The following DHX36 variants were observed in gnomAD, a reference collection of about 807,000 sequenced individuals.
The protein encoded by DHX36 is ATP-dependent DNA/RNA helicase DHX36.
In DHX36, 50 loss-of-function variants were observed where a neutral mutation model predicts 139.0. The observed-to-expected ratio is 0.36, with a 90% CI of 0.29 to 0.46. DHX36 has a LOEUF of 0.46. Among genes scored for constraint, DHX36 ranks in the 20% least tolerant of loss-of-function variants. The pLI is 1.00. For missense variants in DHX36, 1,024 were observed against 1,211.3 expected (o/e 0.85, Z 2.29); for synonymous variants, 425 against 401.9 (o/e 1.06, Z -0.69).
chr3:154,294,742 C>A (rs559711322), intron 13 of DHX36, among the ~76,000 whole-genome samples: 2 of 152,266 alleles, frequency 1.3e-5, no homozygotes, highest in East Asian at 3.9e-4. Flanking sequence ...TAATCAATTT[C>A]ATTTTGCAAG....
Position 154,284,564 on chromosome 3 carries a change from C to CA in DHX36, c.2292+18dup, listed in dbSNP as rs777342103. The CA allele has an allele frequency of 1.3e-5, 20 of 1,528,600 alleles. No homozygotes were observed. Among genetic ancestry groups the CA allele is most frequent in the Middle Eastern group, 3.5e-4 (2 of 5,752 alleles). The allele number at this position is 1,528,600 out of a possible 1,614,324, so 94.7% of individuals were successfully genotyped here. On this transcript the variant is annotated intron_variant, in intron 19 of 24. Coordinates refer to ENST00000496811, the MANE Select transcript of DHX36 (RefSeq NM_020865.3). ...TTGAATAAACTATCATAATCCAGGA[C>CA]AAAATTTTTTTTTTTTACCTCAAAC...
chr3:154,284,970 T>C lies in DHX36; in HGVS notation c.2049A>G (p.Gln683=), dbSNP rs754177548. 2.5e-6 allele frequency: 4 copies of C among 1,614,064 alleles called. No individual in the cohort carries two copies. The African/African-American group carries it at 4.0e-5, about 16-fold the overall frequency. Residue 683 remains glutamine (Q), a synonymous_variant, in exon 18 of 25, where the codon CAA becomes CAG. Transcript: ENST00000496811. The part of the protein sequence containing the change: ...HLMELNALDK[Q]EELTPLGVHL... The stretch of plus-strand genomic sequence containing the variant: ...GGACTCCAAGAGGTGTCAATTCTTC[T>C]TGTTTATCCAAAGCGTTCTGTAAAG...
At chr3:154,280,548 C>G (rs748107331) in intron 22 of DHX36, 31 bp downstream of exon 22, 1 of 1,467,134 alleles carries the variant, frequency 6.8e-7, no homozygotes, top group Non-Finnish European at 9.5e-7. Context: ...AAGAGAATTA[C>G]GAGTAATTAA....
intron 17 of DHX36, among the ~76,000 whole-genome samples, chr3:154,287,660 A>AAAAATAAAAT (rs1001256389): frequency 1.3e-5 from 2 of 151,988 alleles, no homozygotes; most frequent in African/African-American, 4.8e-5. Context: ...GACTCTCTCC[A>AAAAATAAAAT]AAAATAAAAT....
chr3:154,277,116 A>G (rs1215814214), intron 23 of DHX36, among the ~76,000 whole-genome samples: 2 of 152,224 alleles, frequency 1.3e-5, no homozygotes, highest in East Asian at 1.9e-4. Flanking sequence ...GTTTAAACTA[A>G]GCACTACTCT....
rs568119530 is a variant in DHX36 at position 154,276,002 on chromosome 3, C to A, written c.*169G>T. 4.3e-4 allele frequency: 175 copies of A among 407,188 alleles called. No homozygotes were observed. The highest frequency in any genetic ancestry group is 1.6e-3 in the East Asian group (39 of 24,748). 25.2% of individuals were successfully genotyped at this position (407,188 alleles called of 1,614,324 possible). On this transcript the variant is annotated 3_prime_UTR_variant, in exon 25 of 25. Coordinates refer to ENST00000496811, the MANE Select transcript of DHX36 (RefSeq NM_020865.3). ...GGTATATATATATATATATATATAT[C>A]TCTACATATAACATCAAGTCATGCA...
chr3:154,306,339 A>C (rs1390563267), intron 5 of DHX36, 44 bp from the exon 6 acceptor site: 3 of 1,501,514 alleles, frequency 2.0e-6, no homozygotes, highest in Non-Finnish European at 2.8e-6. Flanking sequence ...TTTCCTTTAG[A>C]ACAAATATCC....
At chr3:154,301,354 T>C (rs1384144789) in intron 9 of DHX36, among the ~76,000 whole-genome samples, 1 of 152,204 alleles carries the variant, frequency 6.6e-6, no homozygotes, top group Non-Finnish European at 1.5e-5. Flanking sequence ...AACCTATAGA[T>C]CATTTTTAGT....
chr3:154,322,342 T>C (rs775512207), intron 1 of DHX36, among the ~76,000 whole-genome samples: 10 of 152,192 alleles, frequency 6.6e-5, no homozygotes, highest in Non-Finnish European at 1.2e-4. Flanking sequence ...AATAAAATGA[T>C]CTAATTTTTC....
chr3:154,283,213 T>G lies in DHX36; in HGVS notation c.2351A>C (p.Tyr784Ser). 1 of 1,613,696 alleles carries G rather than the reference T, an allele frequency of 6.2e-7. No individual in the cohort carries two copies. ...FRYEKDYCWE[Y>S]FLSSNTLQML... ...CTGCAGTGTGTTTGAAGACAGAAAATATTCCCAGCAATAGTCCTTTTCGTA... is the reference window on the plus strand; with the variant it reads ...CTGCAGTGTGTTTGAAGACAGAAAAGATTCCCAGCAATAGTCCTTTTCGTA... Residue 784 changes from tyrosine (Y) to serine (S), a missense_variant, in exon 20 of 25, where the codon TAT becomes TCT. This residue lies in a region of DHX36 where 470 missense variants were observed against 616.2 expected (regional missense o/e 0.76). Coordinates refer to ENST00000496811, the MANE Select transcript of DHX36 (RefSeq NM_020865.3).
chr3:154,309,008 C>T (rs1432621427), intron 5 of DHX36, among the ~76,000 whole-genome samples: 1 of 151,880 alleles, frequency 6.6e-6, no homozygotes, highest in Non-Finnish European at 1.5e-5. Context: ...GGCAACATGG[C>T]AAAACCCCAT....
Position 154,273,745 on chromosome 3 carries a change from CA to C in DHX36, c.*2425del, listed in dbSNP as rs1719064593. On this transcript the variant is annotated 3_prime_UTR_variant, in exon 25 of 25. Transcript: ENST00000496811. ...ACCTGAACAAGTGCTGTTAATGGAT[CA>C]CTGTAGCATTATCAATACATCCCAG... is the stretch of plus-strand genomic sequence containing the variant. The C allele has an allele frequency of 6.6e-6, 1 of 152,180 alleles. No homozygotes were observed. The highest frequency in any genetic ancestry group is 6.5e-5 in the Admixed American group (1 of 15,280). The allele number at this position is 152,180 out of a possible 1,614,324, so 9.4% of individuals were successfully genotyped here.
chr3:154,308,615 C>T (rs571423150), intron 5 of DHX36, among the ~76,000 whole-genome samples: 6 of 152,184 alleles, frequency 3.9e-5, no homozygotes, highest in East Asian at 3.9e-4. Flanking sequence ...GAAGTGTTTC[C>T]GGTTTCTATT....
chr3:154,310,397 T>G (rs898308563), intron 4 of DHX36, among the ~76,000 whole-genome samples: 1 of 152,136 alleles, frequency 6.6e-6, no homozygotes, highest in African/African-American at 2.4e-5. Context: ...TAATATTCAC[T>G]GTATAAACGA....
At chr3:154,307,749 G>T (rs1712559062) in intron 5 of DHX36, among the ~76,000 whole-genome samples, 2 of 151,146 alleles carry the variant, frequency 1.3e-5, no homozygotes, top group African/African-American at 4.9e-5. Context: ...ATTTGATCCA[G>T]CAATCCCACT....
rs1475424563 is a variant in DHX36 at position 154,273,521 on chromosome 3, A to C, written c.*2650T>G. ...TGGATAATAAAAGTAAGGGAAAAAA[A>C]AGCACAAACAGAAACTCTTACAGAG... On this transcript the variant is annotated 3_prime_UTR_variant, in exon 25 of 25. Coordinates refer to ENST00000496811, the MANE Select transcript of DHX36 (RefSeq NM_020865.3). 2 of 152,230 alleles carry C rather than the reference A, an allele frequency of 1.3e-5. No individual in the cohort carries two copies. Among genetic ancestry groups the C allele is most frequent in the Admixed American group, 1.3e-4 (2 of 15,288 alleles). The allele number at this position is 152,230 out of a possible 1,614,324, so 9.4% of individuals were successfully genotyped here. A position where few individuals can be genotyped will look rare whatever the true frequency, so the allele number is the denominator to read the frequency against.
In DHX36 at chr3:154,280,660, T is replaced by G. The variant is rs1265369789; in HGVS notation, c.2486A>C (p.Lys829Thr). 6.2e-6 allele frequency: 10 copies of G among 1,613,052 alleles called. No individual in the cohort carries two copies. Among genetic ancestry groups the G allele is most frequent in the Non-Finnish European group, 8.5e-6 (10 of 1,179,522 alleles). ...PESNINSDNE[K>T]IIKAVICAGL... ...AGCACAGATGACAGCTTTAATTATC[T>G]TCTCATTATCTATGGGGGGTGAGAA... The change falls in exon 22 of 25, where the codon AAG becomes ACG. Residue 829 changes from lysine (K) to threonine (T), a missense_variant. Lys to Thr is a moderately conservative substitution (Grantham distance 78, BLOSUM62 -1). Coordinates refer to ENST00000496811, the MANE Select transcript of DHX36 (RefSeq NM_020865.3).
rs759342254 is a variant in DHX36 at position 154,276,858 on chromosome 3, G to C, written c.2730C>G (p.Leu910=). Reference sequence around the variant, plus strand: ...TGGAAATGTCACCTCCAAAAAACAAGAGACAGTATGGGGAAACCTCTGTGC... The same window carrying C: ...TGGAAATGTCACCTCCAAAAAACAACAGACAGTATGGGGAAACCTCTGTGC... ...YDCTEVSPYC[L]LFFGGDISIQ... is the part of the protein sequence containing the mutation. The change falls in exon 24 of 25, where the codon CTC becomes CTG. Residue 910 remains leucine, a synonymous_variant. Transcript: ENST00000496811. The C allele has an allele frequency of 8.7e-6, 14 of 1,613,704 alleles. No homozygotes were observed. The highest frequency in any genetic ancestry group is 1.2e-5 in the Non-Finnish European group (14 of 1,179,896).
intron 12 of DHX36, among the ~76,000 whole-genome samples, chr3:154,297,820 A>G (rs757236003): frequency 2.0e-5 from 3 of 152,168 alleles, no homozygotes; most frequent in Non-Finnish European, 2.9e-5. Context: ...GTTGAAGACT[A>G]TATAATTGGG....
Sources: gnomAD v4.1 joint callset for allele counts (sites outside exome capture counted in the v4.1 genomes callset) on GRCh38, gnomAD v4.1.1 for gene constraint, gnomAD v4.1.1 regional missense constraint, MANE v1.5 for transcripts, NCBI Gene and HGNC (gene_info 2026-07-23, HGNC 2026-07-21) for gene names.